DNAH11: variants seen among roughly 807,000 people sequenced by gnomAD.
DNAH11 encodes axonemal beta dynein heavy chain 11.
A neutral mutation model predicts 526.0 loss-of-function variants in DNAH11; 442 were observed. That is an observed-to-expected ratio of 0.84 (90% confidence interval 0.78 to 0.91). The LOEUF (loss-of-function observed/expected upper bound fraction) is 0.91, where lower values mean the gene tolerates loss of function less well. Ranked by LOEUF, DNAH11 falls within the 40% of genes least tolerant of loss-of-function variation. The pLI, the probability that DNAH11 is intolerant of heterozygous loss-of-function variation, is 0.00. For missense variants in DNAH11, 6,989 were observed against 5,448.7 expected, an observed-to-expected ratio of 1.28 and a Z score of -8.90; for synonymous variants, 2,461 against 1,935.9, an observed-to-expected ratio of 1.27 and a Z score of -7.12.
chr7:21,544,181 C>T (rs1782714691), intron 1 of DNAH11, among the ~76,000 whole-genome samples: 1 of 152,116 alleles, frequency 6.6e-6, no homozygotes, highest in South Asian at 2.1e-4. Flanking sequence ...GATGATTTGT[C>T]CACTAAAAGG....
chr7:21,818,363 A>T, intron 65 of DNAH11, 24 bp downstream of exon 65: 1 of 1,598,144 alleles, frequency 6.3e-7, no homozygotes, highest in Non-Finnish European at 8.5e-7. Context: ...AATTTTTAAC[A>T]TATATATCTT....
At chr7:21,778,251 C>A (rs1435174099) in intron 56 of DNAH11, among the ~76,000 whole-genome samples, 1 of 152,094 alleles carries the variant, frequency 6.6e-6, no homozygotes, top group African/African-American at 2.4e-5. Flanking sequence ...TCTCCAAGAG[C>A]TGAGTAAGGT....
intron 46 of DNAH11, among the ~76,000 whole-genome samples, chr7:21,738,117 T>C (rs757526932): frequency 2.0e-5 from 3 of 152,210 alleles, no homozygotes; most frequent in Non-Finnish European, 4.4e-5. Flanking sequence ...CGCACTGTTC[T>C]GGATTTTCTT....
chr7:21,863,593 T>C (rs1393515062), intron 69 of DNAH11, among the ~76,000 whole-genome samples: 2 of 152,200 alleles, frequency 1.3e-5, no homozygotes, highest in Non-Finnish European at 2.9e-5. Context: ...CCGAAAGTGC[T>C]GGGATTACAG....
intron 73 of DNAH11, among the ~76,000 whole-genome samples, chr7:21,871,539 G>GGT (rs1296457941): frequency 2.0e-5 from 3 of 152,168 alleles, no homozygotes; most frequent in Non-Finnish European, 4.4e-5. Flanking sequence ...TTTCAAGTAA[G>GGT]GTACTGTTGT....
chr7:21,732,495 C>A (rs528708262), intron 45 of DNAH11, among the ~76,000 whole-genome samples: 2 of 152,264 alleles, frequency 1.3e-5, no homozygotes, highest in African/African-American at 4.8e-5. Flanking sequence ...AATATTACTC[C>A]GGTATGACTT....
chr7:21,545,274 T>TAA (rs10634177), intron 2 of DNAH11, 125 bp downstream of exon 2: 1,377 of 131,194 alleles, frequency 0.01, 27 homozygotes, highest in Middle Eastern at 0.028. Flanking sequence ...TGGGGGTGGT[T>TAA]AAAAAAAAAA....
chr7:21,570,451 A>G (rs1783841180), intron 7 of DNAH11, 152 bp downstream of exon 7: 2 of 578,506 alleles, frequency 3.5e-6, no homozygotes, highest in Non-Finnish European at 5.8e-6. Context: ...GGCCAATGCT[A>G]TGATGATACA....
At chr7:21,769,610 G>C (rs920251953) in intron 55 of DNAH11, among the ~76,000 whole-genome samples, 2 of 151,858 alleles carry the variant, frequency 1.3e-5, no homozygotes, top group African/African-American at 2.4e-5. Context: ...TCAGCCTCCT[G>C]AGTAGCTGGG....
intron 30 of DNAH11, among the ~76,000 whole-genome samples, chr7:21,669,660 TGTG>T (rs1164209267): frequency 6.8e-5 from 2 of 29,242 alleles, no homozygotes; most frequent in African/African-American, 1.0e-4. Context: ...TTTCTTTTTG[TGTG>T]TGTGTGTGTG....
chr7:21,684,479 T>G (rs1410010131), intron 32 of DNAH11, among the ~76,000 whole-genome samples: 1 of 152,238 alleles, frequency 6.6e-6, no homozygotes, highest in African/African-American at 2.4e-5. Context: ...TTAATTATTT[T>G]AGGCTGTGAT....
intron 28 of DNAH11, among the ~76,000 whole-genome samples, chr7:21,641,892 A>G (rs1162426208): frequency 6.6e-6 from 1 of 152,154 alleles, no homozygotes; most frequent in African/African-American, 2.4e-5. Context: ...ACTAGATTAT[A>G]TAAGACGTTT....
intron 79 of DNAH11, among the ~76,000 whole-genome samples, chr7:21,898,385 G>A (rs570095661): frequency 2.9e-4 from 44 of 152,198 alleles, no homozygotes; most frequent in African/African-American, 9.2e-4. Flanking sequence ...TCTTCTTCAC[G>A]GCCCAGAGTC....
Position 21,607,759 on chromosome 7 carries a change from G to A in DNAH11, c.3852+1026G>A, listed in dbSNP as rs945517008. On this transcript the variant is annotated intron_variant, in intron 20 of 81. Coordinates refer to ENST00000409508, the MANE Select transcript of DNAH11 (RefSeq NM_001277115.2). ...ATCCTGGCCAACACGGTGAAACCCC[G>A]TCTCTACTAAAATAAAAATTAAAAA... 8.6e-5 allele frequency among the ~76,000 whole-genome samples: 13 copies of A among 151,400 alleles called. 1 individual carries two copies. Among genetic ancestry groups the A allele is most frequent in the Admixed American group, 2.0e-4 (3 of 15,168 alleles).
rs970415571 is a variant in DNAH11, at chr7:21,698,749, CAATTGCA to C, written c.6180+542_6180+548del. ...ACATTTAGGCTAGTCCATATTTTTG[CAATTGCA>C]AATTGTGCTTCTATAAATAGGCATG... is the stretch of plus-strand genomic sequence containing the variant. On this transcript the variant is annotated intron_variant, in intron 36 of 81. Coordinates refer to ENST00000409508, the MANE Select transcript of DNAH11 (RefSeq NM_001277115.2). 6.1e-4 allele frequency among the ~76,000 whole-genome samples: 93 copies of C among 152,236 alleles called. No individual in the cohort carries two copies. The Middle Eastern group carries it at 0.01, about 17-fold the overall frequency.
rs547021787 is a variant in DNAH11, at chr7:21,600,558, T to G, written c.3001-118T>G. 7.7e-5 allele frequency: 91 copies of G among 1,183,954 alleles called. No homozygotes were observed. The South Asian group carries it at 2.1e-3, about 28-fold the overall frequency. 73.3% of individuals were successfully genotyped at this position (1,183,954 alleles called of 1,614,324 possible). A position where few individuals can be genotyped will look rare whatever the true frequency, so the allele number is the denominator to read the frequency against. On this transcript the variant is annotated intron_variant, in intron 15 of 81. Coordinates refer to ENST00000409508, the MANE Select transcript of DNAH11 (RefSeq NM_001277115.2). ...AGAGAAGTTGGAAAAAGCAACATGA[T>G]TTTTAATTTTTCTAACTACTCTCCC...
At chr7:21,833,529 C>T (rs1184752478) in intron 65 of DNAH11, among the ~76,000 whole-genome samples, 1 of 151,880 alleles carries the variant, frequency 6.6e-6, no homozygotes, top group East Asian at 1.9e-4. Context: ...CTCGTCTCTA[C>T]TAAAAATAGA....
At chr7:21,589,998 A>G (rs1784617038) in intron 12 of DNAH11, among the ~76,000 whole-genome samples, 1 of 152,192 alleles carries the variant, frequency 6.6e-6, no homozygotes, top group Admixed American at 6.5e-5. Context: ...ATTAATATAA[A>G]AAATATTAAG....
intron 65 of DNAH11, among the ~76,000 whole-genome samples, chr7:21,839,750 T>G (rs930383251): frequency 6.6e-6 from 1 of 152,136 alleles, no homozygotes; most frequent in African/African-American, 2.4e-5. Context: ...ATTCAACTAA[T>G]AGGGTTTTCA....
Sources: gnomAD v4.1 joint callset for allele counts (sites outside exome capture counted in the v4.1 genomes callset) on GRCh38, gnomAD v4.1.1 for gene constraint, MANE v1.5 for transcripts, NCBI Gene and HGNC (gene_info 2026-07-23, HGNC 2026-07-21) for gene names.